The following CYP7B1 variants were observed in gnomAD, a reference collection of about 807,000 sequenced individuals.
The protein encoded by CYP7B1 is cytochrome P450 family 7 subfamily B member 1.
CYP7B1 carries 29 observed loss-of-function variants against 42.7 expected under a neutral mutation model. The ratio of observed to expected loss-of-function variants is 0.68; its 90% CI spans 0.51 to 0.93. The LOEUF (loss-of-function observed/expected upper bound fraction) is 0.93. Among genes scored for constraint, CYP7B1 ranks in the 40% least tolerant of loss-of-function variants. The pLI, the probability that CYP7B1 is intolerant of heterozygous loss-of-function variation, is 0.00. For missense variants in CYP7B1, 655 were observed against 600.5 expected, an observed-to-expected ratio of 1.09 and a Z score of -0.95; for synonymous variants, 235 against 218.2, an observed-to-expected ratio of 1.08 and a Z score of -0.68.
intron 1 of CYP7B1, among the ~76,000 whole-genome samples, chr8:64,711,464 G>A (rs952116624): frequency 1.3e-5 from 2 of 152,162 alleles, no homozygotes; most frequent in Non-Finnish European, 1.5e-5. Context: ...GGTGCCAAGG[G>A]AAGGCCATCT....
chr8:64,611,254 C>T (rs1805358964), intron 4 of CYP7B1, among the ~76,000 whole-genome samples: 1 of 152,070 alleles, frequency 6.6e-6, no homozygotes, highest in South Asian at 2.1e-4. Flanking sequence ...TAAAGACCTG[C>T]CTTTCTTCTT....
At position 64,707,702 on chromosome 8, in the gene CYP7B1, C is replaced by CA. The variant is rs574267443; in HGVS notation, c.123-83164dup. On this transcript the variant is annotated intron_variant, in intron 1 of 5. Coordinates refer to ENST00000310193, the MANE Select transcript of CYP7B1 (RefSeq NM_004820.5). ...ATTTTATTCAATTAGTTTTTTTTTT[C>CA]ACTTTTCTTGCACTCCAATTTGTTT... Among the ~76,000 whole-genome samples the CA allele has an allele frequency of 2.7e-4, 40 of 149,822 alleles. No individual in the cohort carries two copies. The East Asian group carries it at 7.4e-3, about 28-fold the overall frequency.
At chr8:64,750,821 C>T (rs1347247766) in intron 1 of CYP7B1, among the ~76,000 whole-genome samples, 1 of 152,190 alleles carries the variant, frequency 6.6e-6, no homozygotes, top group East Asian at 1.9e-4. Flanking sequence ...CCCAATTTCT[C>T]CAGAACAAAG....
chr8:64,772,399 T>C (rs1443283450), intron 1 of CYP7B1, among the ~76,000 whole-genome samples: 1 of 152,152 alleles, frequency 6.6e-6, no homozygotes, highest in Non-Finnish European at 1.5e-5. Flanking sequence ...GCCAGCCACA[T>C]CCAATCAGTT....
rs755544023 is a variant in CYP7B1 at position 64,593,106 on chromosome 8, C to T, written c.*3536G>A. Among the ~76,000 whole-genome samples the T allele has an allele frequency of 1.3e-5, 2 of 152,128 alleles. No individual in the cohort carries two copies. The highest frequency in any genetic ancestry group is 2.4e-5 in the African/African-American group (1 of 41,414). On this transcript the variant is annotated 3_prime_UTR_variant, in exon 6 of 6. Coordinates refer to ENST00000310193, the MANE Select transcript of CYP7B1 (RefSeq NM_004820.5). ...CTGTGTTCTCTGTGCCTTAACATCA[C>T]AAAAGTGTACCACTAAGTTGAATTT... is the stretch of plus-strand genomic sequence containing the variant.
intron 1 of CYP7B1, among the ~76,000 whole-genome samples, chr8:64,670,831 C>T (rs1021802090): frequency 1.3e-5 from 2 of 152,094 alleles, no homozygotes; most frequent in Non-Finnish European, 2.9e-5. Context: ...TTGCTCATCC[C>T]TTCCTTTCAC....
intron 1 of CYP7B1, among the ~76,000 whole-genome samples, chr8:64,686,556 C>T (rs1445219834): frequency 7.0e-5 from 4 of 57,272 alleles, no homozygotes; most frequent in African/African-American, 2.4e-4. Flanking sequence ...AGGTGAGGGG[C>T]GCCTCTGCCC....
rs118136254 is a variant in CYP7B1 at position 64,774,022 on chromosome 8, A to G, written c.122+24444T>C. Among the ~76,000 whole-genome samples, 621 of 152,318 alleles carry G rather than the reference A, an allele frequency of 4.1e-3. 7 individuals carry two copies. The highest frequency in any genetic ancestry group is 6.8e-3 in the Non-Finnish European group (463 of 68,018). ...CCTTTGGGGGATACATTCAAACCAT[A>G]GCACCTAGTACGGTCCTTCATATCA... On this transcript the variant is annotated intron_variant, in intron 1 of 5. Coordinates refer to ENST00000310193, the MANE Select transcript of CYP7B1 (RefSeq NM_004820.5).
chr8:64,661,232 G>T (rs1806195418), intron 1 of CYP7B1, among the ~76,000 whole-genome samples: 1 of 152,206 alleles, frequency 6.6e-6, no homozygotes, highest in Admixed American at 6.5e-5. Context: ...GTAGTGTGGG[G>T]ATGGCCTTTC....
rs1022874183 is a variant in CYP7B1, at chr8:64,798,327, C to A, written c.122+139G>T. 12 of 1,271,048 alleles carry A rather than the reference C, an allele frequency of 9.4e-6. No individual in the cohort carries two copies. In the African/African-American group the frequency reaches 1.6e-4, roughly 17 times the overall value. The allele number at this position is 1,271,048 out of a possible 1,614,324, so 78.7% of individuals were successfully genotyped here. On this transcript the variant is annotated intron_variant, in intron 1 of 5. Transcript: ENST00000310193. ...AAGAAGCCTTTGTTATTACAAAGTCCCAAAGGAAGCCAGTACCCCGCAGCA... is the reference window on the plus strand; with the variant it reads ...AAGAAGCCTTTGTTATTACAAAGTCACAAAGGAAGCCAGTACCCCGCAGCA...
chr8:64,587,845 A>G (rs1301669682), downstream of CYP7B1: 3 of 152,238 alleles, frequency 2.0e-5, no homozygotes, highest in East Asian at 5.8e-4. Flanking sequence ...TGCAGAGGAA[A>G]AGAGGATTTG....
chr8:64,763,329 T>C (rs1186863302), intron 1 of CYP7B1, among the ~76,000 whole-genome samples: 1 of 152,188 alleles, frequency 6.6e-6, no homozygotes, highest in African/African-American at 2.4e-5. Flanking sequence ...ACTCACCTCA[T>C]GGCCTAAGGT....
intron 1 of CYP7B1, among the ~76,000 whole-genome samples, chr8:64,712,288 TA>T (rs1481711449): frequency 2.6e-5 from 4 of 151,540 alleles, no homozygotes; most frequent in Non-Finnish European, 5.9e-5. Context: ...TTTTTTTTTT[TA>T]AAACAAAACA....
At chr8:64,792,511 T>C (rs1483959437) in intron 1 of CYP7B1, among the ~76,000 whole-genome samples, 2 of 152,196 alleles carry the variant, frequency 1.3e-5, no homozygotes, top group Non-Finnish European at 2.9e-5. Flanking sequence ...TACTCATTCA[T>C]TTGTACTGAG....
chr8:64,682,100 G>A (rs1051795624), intron 1 of CYP7B1, among the ~76,000 whole-genome samples: 3 of 152,152 alleles, frequency 2.0e-5, no homozygotes, highest in African/African-American at 4.8e-5. Flanking sequence ...ATGGGCAACC[G>A]TTCATTAGAA....
intron 1 of CYP7B1, among the ~76,000 whole-genome samples, chr8:64,630,303 T>C (rs908305407): frequency 2.6e-5 from 4 of 152,236 alleles, no homozygotes; most frequent in Non-Finnish European, 5.9e-5. Context: ...AGTTCAGATA[T>C]GAAGAAATAA....
chr8:64,699,299 T>C (rs1164162973), intron 1 of CYP7B1, among the ~76,000 whole-genome samples: 1 of 152,172 alleles, frequency 6.6e-6, no homozygotes, highest in African/African-American at 2.4e-5. Context: ...AAGTGACTTC[T>C]GTCAACATCA....
Position 64,604,666 on chromosome 8 carries a change from C to G in CYP7B1, c.1233+16G>C. 7 of 1,613,816 alleles carry G rather than the reference C, an allele frequency of 4.3e-6. No homozygotes were observed. Among genetic ancestry groups the G allele is most frequent in the Non-Finnish European group, 5.9e-6 (7 of 1,179,956 alleles). On this transcript the variant is annotated intron_variant, in intron 5 of 5. Transcript: ENST00000310193. ...GGATCTAAGAAGTAGCAATCATAGG[C>G]TTGATGTTTACTTACCTCTGGAGCT...
chr8:64,793,035 T>C (rs980998384), intron 1 of CYP7B1, among the ~76,000 whole-genome samples: 3 of 152,018 alleles, frequency 2.0e-5, no homozygotes, highest in African/African-American at 7.2e-5. Flanking sequence ...GGTGTCAGAG[T>C]AGAAGCAAGA....
Sources: allele counts gnomAD v4.1 joint callset (sites outside exome capture counted in the v4.1 genomes callset), GRCh38; gene constraint gnomAD v4.1.1; transcripts MANE v1.5; gene names NCBI Gene and HGNC (gene_info 2026-07-23, HGNC 2026-07-21).